NID1: variants seen among roughly 807,000 people sequenced by gnomAD.
NID1 encodes the protein nidogen 1, also known as nidogen-1.
A neutral mutation model predicts 130.6 loss-of-function variants in NID1; 76 were observed. The ratio of observed to expected loss-of-function variants is 0.58; its 90% CI spans 0.48 to 0.70. NID1 has a LOEUF of 0.70. Ranked by LOEUF, NID1 falls within the 30% of genes least tolerant of loss-of-function variation. The pLI is 0.00. For synonymous variants in NID1, 665 were observed against 675.1 expected (o/e 0.98, Z 0.23); for missense variants, 1,517 against 1,664.8 (o/e 0.91, Z 1.54).
At chr1:236,054,701 G>C (rs1019274092) in intron 1 of NID1, among the ~76,000 whole-genome samples, 2 of 151,608 alleles carry the variant, frequency 1.3e-5, no homozygotes, top group African/African-American at 4.8e-5. Flanking sequence ...GAGTGCAGTG[G>C]TGCAGTCTCG....
chr1:235,995,431 G>A (rs1657893152), intron 12 of NID1, among the ~76,000 whole-genome samples: 1 of 152,192 alleles, frequency 6.6e-6, no homozygotes, highest in Admixed American at 6.5e-5. Flanking sequence ...CTGTGGAATT[G>A]CTAGTAAACA....
chr1:236,023,783 C>T (rs1658839385), intron 9 of NID1, among the ~76,000 whole-genome samples: 1 of 152,160 alleles, frequency 6.6e-6, no homozygotes, highest in African/African-American at 2.4e-5. Context: ...TCATTAACAG[C>T]TCTGACTTAC....
intron 8 of NID1, among the ~76,000 whole-genome samples, chr1:236,024,589 A>G (rs1206160742): frequency 6.6e-6 from 1 of 152,216 alleles, no homozygotes; most frequent in Non-Finnish European, 1.5e-5. Context: ...CACAGTTGCT[A>G]TAGGAGGGAG....
In NID1 at chr1:235,990,985, C is replaced by T. The variant is rs148296373; in HGVS notation, c.2829G>A (p.Gly943=). ...CAGTCTGGGCAAAGAGTAAATGGGT[C>T]CCAGGAGGCAAGGGGATCACGGCGG... The part of the protein sequence containing the change: ...VPTAVIPLPP[G]THLLFAQTGK... Residue 943 remains glycine, a synonymous_variant, in exon 14 of 20, where the codon GGG becomes GGA. Coordinates refer to ENST00000264187, the MANE Select transcript of NID1 (RefSeq NM_002508.3). 108 of 1,613,924 alleles carry T rather than the reference C, an allele frequency of 6.7e-5. No individual in the cohort carries two copies. In the African/African-American group the frequency reaches 1.2e-3, roughly 18 times the overall value.
intron 12 of NID1, among the ~76,000 whole-genome samples, chr1:236,009,352 T>A (rs1384053504): frequency 1.3e-5 from 2 of 152,222 alleles, no homozygotes; most frequent in Non-Finnish European, 2.9e-5. Context: ...TCTCAGACTT[T>A]CCAGCCTTCA....
chr1:235,999,553 G>C (rs984307405), intron 12 of NID1, among the ~76,000 whole-genome samples: 1 of 152,080 alleles, frequency 6.6e-6, no homozygotes, highest in Non-Finnish European at 1.5e-5. Context: ...GGTGGGGGTA[G>C]TGGGGATGCT....
intron 7 of NID1, among the ~76,000 whole-genome samples, chr1:236,026,521 T>G (rs995834843): frequency 6.6e-6 from 1 of 152,166 alleles, no homozygotes; most frequent in Non-Finnish European, 1.5e-5. Context: ...GTGTGGCCAC[T>G]GGCTGATGAC....
chr1:235,980,673 G>A lies in NID1; in HGVS notation c.3228-20C>T, dbSNP rs1657412369. 3 of 1,606,452 alleles carry A rather than the reference G, an allele frequency of 1.9e-6. No homozygotes were observed. The highest frequency in any genetic ancestry group is 1.7e-5 in the Admixed American group (1 of 58,826). ...AGGTTCCTGGAGGAGGAAAAAGGGGGGAAAGAGGAAAAGAAATAATAAGGA... is the reference window on the plus strand; with the variant it reads ...AGGTTCCTGGAGGAGGAAAAAGGGGAGAAAGAGGAAAAGAAATAATAAGGA... On this transcript the variant is annotated intron_variant, in intron 16 of 19. Coordinates refer to ENST00000264187, the MANE Select transcript of NID1 (RefSeq NM_002508.3).
intron 2 of NID1, among the ~76,000 whole-genome samples, chr1:236,046,544 G>A (rs960152146): frequency 1.3e-5 from 2 of 151,300 alleles, no homozygotes; most frequent in African/African-American, 4.8e-5. Flanking sequence ...GCTGCCACCT[G>A]TAGGGGGGTC....
intron 3 of NID1, 127 bp downstream of exon 3, chr1:236,045,325 CATAAT>C (rs903629115): frequency 5.0e-6 from 3 of 595,426 alleles, no homozygotes; most frequent in East Asian, 2.9e-5. Flanking sequence ...AAGAGTATCT[CATAAT>C]ATAAAAACTA....
At chr1:236,058,658 T>G (rs73116911) in intron 1 of NID1, among the ~76,000 whole-genome samples, 402 of 152,340 alleles carry the variant, frequency 2.6e-3, no homozygotes, top group African/African-American at 9.4e-3. Flanking sequence ...ATTTAAAATT[T>G]ATGTTAGATT....
At chr1:235,983,291 C>T (rs564259270) in intron 15 of NID1, among the ~76,000 whole-genome samples, 11 of 152,244 alleles carry the variant, frequency 7.2e-5, no homozygotes, top group African/African-American at 2.4e-4. Flanking sequence ...CATCAGAGCC[C>T]CCAGAAAGAA....
chr1:236,061,638 G>GT (rs942198859), intron 1 of NID1, among the ~76,000 whole-genome samples: 7 of 151,724 alleles, frequency 4.6e-5, no homozygotes, highest in Non-Finnish European at 1.0e-4. Flanking sequence ...GCTGTTTTTC[G>GT]TATTTTTAGT....
chr1:235,993,594 C>T (rs1161693607), intron 13 of NID1, 51 bp downstream of exon 13: 2 of 1,415,254 alleles, frequency 1.4e-6, no homozygotes, highest in African/African-American at 3.8e-5. Context: ...AATTCCGGTC[C>T]CCCGAGGTCC....
At chr1:236,034,861 G>T (rs746409190) in intron 5 of NID1, among the ~76,000 whole-genome samples, 21 of 151,870 alleles carry the variant, frequency 1.4e-4, no homozygotes, top group Non-Finnish European at 2.6e-4. Context: ...TATTTGATGT[G>T]GTATTACTTT....
At chr1:236,007,951 T>C (rs10803215) in intron 12 of NID1, among the ~76,000 whole-genome samples, 45,318 of 151,926 alleles carry the variant, frequency 0.3, 7,315 homozygotes, top group Non-Finnish European at 0.36. Flanking sequence ...CCATGACCCA[T>C]AGAAAGAAAC....
At chr1:236,046,864 A>G (rs1307787406) in intron 2 of NID1, among the ~76,000 whole-genome samples, 1 of 152,216 alleles carries the variant, frequency 6.6e-6, no homozygotes, top group African/African-American at 2.4e-5. Flanking sequence ...GACTTTCCCA[A>G]AGTGTGCTCT....
intron 1 of NID1, among the ~76,000 whole-genome samples, chr1:236,059,893 A>T (rs1659992727): frequency 6.6e-6 from 1 of 152,130 alleles, no homozygotes; most frequent in South Asian, 2.1e-4. Context: ...CGAGGTCAAG[A>T]GATCGAGACC....
intron 5 of NID1, among the ~76,000 whole-genome samples, chr1:236,035,860 C>A (rs973964406): frequency 6.6e-6 from 1 of 152,096 alleles, no homozygotes; most frequent in African/African-American, 2.4e-5. Flanking sequence ...AAAAGGTATC[C>A]CAAGAACAAT....
Sources: gnomAD v4.1 joint callset for allele counts (sites outside exome capture counted in the v4.1 genomes callset) on GRCh38, gnomAD v4.1.1 for gene constraint, MANE v1.5 for transcripts, NCBI Gene and HGNC (gene_info 2026-07-23, HGNC 2026-07-21) for gene names.